PTGES3: variants seen among roughly 807,000 people sequenced by gnomAD.
The protein encoded by PTGES3 is prostaglandin E synthase 3, also known as Hsp90 co-chaperone.
A neutral mutation model predicts 29.9 loss-of-function variants in PTGES3; 5 were observed. The ratio of observed to expected loss-of-function variants is 0.17; its 90% CI spans 0.09 to 0.35. The LOEUF (loss-of-function observed/expected upper bound fraction) is 0.35, where lower values mean the gene tolerates loss of function less well. Ranked by LOEUF, PTGES3 falls within the 10% of genes least tolerant of loss-of-function variation. The probability of loss-of-function intolerance (pLI) is 1.00; values close to 1 mark genes in which losing one functional copy is unlikely to be tolerated. For synonymous variants in PTGES3, 49 were observed against 57.8 expected (o/e 0.85, Z 0.69); for missense variants, 128 against 190.0 (o/e 0.67, Z 1.92).
In PTGES3 at chr12:56,664,507, A is replaced by T. The variant is rs753015121; in HGVS notation, c.464-9T>A. 22 of 1,598,812 alleles carry T rather than the reference A, an allele frequency of 1.4e-5. No homozygotes were observed. In the East Asian group the frequency reaches 4.5e-4, roughly 33 times the overall value. On this transcript the variant is annotated splice_polypyrimidine_tract_variant and intron_variant, in intron 7 of 7. Transcript: ENST00000262033. ...CTCCAGATCTGGCATTTCTGAAAGA[A>T]TTTTTAAAAATATTAGTATATAGTA...
At chr12:56,681,696 A>C (rs1178560463) in intron 1 of PTGES3, among the ~76,000 whole-genome samples, 2 of 151,590 alleles carry the variant, frequency 1.3e-5, no homozygotes, top group African/African-American at 2.4e-5. Flanking sequence ...TAAAAAAAAA[A>C]ATACAAAAAT....
intron 1 of PTGES3, among the ~76,000 whole-genome samples, chr12:56,685,761 C>G (rs1037936573): frequency 7.4e-6 from 1 of 135,900 alleles, no homozygotes; most frequent in African/African-American, 2.7e-5. Context: ...CTCTCTACTG[C>G]TACACTTACT....
intron 1 of PTGES3, among the ~76,000 whole-genome samples, chr12:56,683,970 A>AC (rs1413301274): frequency 6.9e-6 from 1 of 145,720 alleles, no homozygotes; most frequent in Non-Finnish European, 1.6e-5. Context: ...AAAAAAAAAA[A>AC]ACAAAAAAAA....
In PTGES3 at chr12:56,683,473, C is replaced by CAAAAAAAAAAAAAAAAA. The variant is rs71081388; in HGVS notation, c.2+4508_2+4524dup. 1.8e-3 allele frequency among the ~76,000 whole-genome samples: 54 copies of CAAAAAAAAAAAAAAAAA among 29,760 alleles called. 15 individuals carry two copies. The highest frequency in any genetic ancestry group is 3.3e-3 in the Admixed American group (5 of 1,524). 19.5% of individuals were successfully genotyped at this position (29,760 alleles called of 152,430 possible). On this transcript the variant is annotated intron_variant, in intron 1 of 7. Transcript: ENST00000262033. ...GGGCAACAAGAGAGAAACTCTGTCT[C>CAAAAAAAAAAAAAAAAA]AAAAAAAAAAAAAAAAAAAAAAAAA...
intron 1 of PTGES3, chr12:56,687,024 AAAAAAAC>A: frequency 2.6e-6 from 1 of 390,720 alleles, no homozygotes; most frequent in East Asian, 4.0e-5. Flanking sequence ...AAAAAAAAAA[AAAAAAAC>A]CCTGTAAAAC....
At chr12:56,677,384 T>C (rs1217185385) in intron 1 of PTGES3, among the ~76,000 whole-genome samples, 1 of 152,136 alleles carries the variant, frequency 6.6e-6, no homozygotes, top group African/African-American at 2.4e-5. Context: ...TGGTATATAG[T>C]GCCCTTGGTG....
chr12:56,673,581 C>G (rs930127367), intron 1 of PTGES3, among the ~76,000 whole-genome samples: 13 of 149,394 alleles, frequency 8.7e-5, no homozygotes, highest in African/African-American at 2.2e-4. Flanking sequence ...ATCACCTAAG[C>G]TCAGGAGTTC....
At chr12:56,678,421 C>T (rs1351324481) in intron 1 of PTGES3, among the ~76,000 whole-genome samples, 1 of 152,138 alleles carries the variant, frequency 6.6e-6, no homozygotes, top group Non-Finnish European at 1.5e-5. Context: ...AGGTGAGCCA[C>T]CCGCCTCAGC....
At chr12:56,687,553 G>A (rs956707316) in intron 1 of PTGES3, 2 of 1,013,484 alleles carry the variant, frequency 2.0e-6, no homozygotes, top group Non-Finnish European at 2.4e-6. Context: ...CCAGGCACCT[G>A]GCGGCACCCA....
intron 5 of PTGES3, among the ~76,000 whole-genome samples, chr12:56,669,475 G>GT (rs2137603938): frequency 6.6e-6 from 1 of 152,260 alleles, no homozygotes; most frequent in Non-Finnish European, 1.5e-5. Context: ...TAGAGACGGG[G>GT]TTTCACCATG....
chr12:56,665,707 T>A, intron 6 of PTGES3: 1 of 922,242 alleles, frequency 1.1e-6, no homozygotes, highest in Non-Finnish European at 1.3e-6. Flanking sequence ...AATGGTGTGA[T>A]CTTGGCTCAC....
chr12:56,683,945 G>T (rs1179323168), intron 1 of PTGES3, among the ~76,000 whole-genome samples: 2 of 116,450 alleles, frequency 1.7e-5, no homozygotes, highest in Non-Finnish European at 3.4e-5. Context: ...GGGCGACAGC[G>T]AAACTCCGTC....
chr12:56,681,322 A>AG (rs962237508), intron 1 of PTGES3, among the ~76,000 whole-genome samples: 1 of 149,258 alleles, frequency 6.7e-6, no homozygotes, highest in African/African-American at 2.5e-5. Flanking sequence ...GCGGATCACG[A>AG]GGTCAGGAGA....
intron 1 of PTGES3, chr12:56,687,166 G>C: frequency 2.0e-6 from 2 of 1,025,192 alleles, no homozygotes; most frequent in Non-Finnish European, 2.4e-6. Flanking sequence ...ACAAATTTAA[G>C]ATCTTTGGGA....
intron 1 of PTGES3, among the ~76,000 whole-genome samples, chr12:56,686,395 C>A (rs1327764949): frequency 1.3e-5 from 2 of 150,348 alleles, no homozygotes; most frequent in South Asian, 4.2e-4. Flanking sequence ...TATTTTGAGA[C>A]GGGTTTTCAC....
At chr12:56,676,207 C>G (rs1481891813) in intron 1 of PTGES3, among the ~76,000 whole-genome samples, 1 of 122,192 alleles carries the variant, frequency 8.2e-6, no homozygotes, top group Non-Finnish European at 1.6e-5. Flanking sequence ...GCCTGGGCAA[C>G]AGAGAGAGGC....
chr12:56,666,340 G>A (rs1229664376), intron 5 of PTGES3, 74 bp from the exon 6 acceptor site: 9 of 1,536,496 alleles, frequency 5.9e-6, no homozygotes, highest in Admixed American at 2.2e-5. Context: ...GTATGCTTCA[G>A]AATAAACCTT....
At chr12:56,678,985 A>G (rs903022056) in intron 1 of PTGES3, among the ~76,000 whole-genome samples, 1 of 152,058 alleles carries the variant, frequency 6.6e-6, no homozygotes, top group Non-Finnish European at 1.5e-5. Context: ...CCATGGTGAC[A>G]CATGCTTGTA....
intron 1 of PTGES3, among the ~76,000 whole-genome samples, chr12:56,685,770 C>CTTTTTT (rs9325161): frequency 1.4e-5 from 1 of 71,898 alleles, no homozygotes; most frequent in Non-Finnish European, 2.5e-5. Flanking sequence ...GCTACACTTA[C>CTTTTTT]TTTTTTTTTT....
Sources: allele counts gnomAD v4.1 joint callset (sites outside exome capture counted in the v4.1 genomes callset), GRCh38; gene constraint gnomAD v4.1.1; transcripts MANE v1.5; gene names NCBI Gene and HGNC (gene_info 2026-07-23, HGNC 2026-07-21).